The following TMC2 variants were observed in gnomAD, a reference collection of about 807,000 sequenced individuals.
TMC2 encodes the protein transmembrane channel-like protein 2.
A neutral mutation model predicts 105.9 loss-of-function variants in TMC2; 102 were observed. That is an observed-to-expected ratio of 0.96 (90% CI 0.82 to 1.14). The LOEUF is 1.14. TMC2 is among the 50% of genes most tolerant of loss of function. The pLI, the probability that TMC2 is intolerant of heterozygous loss-of-function variation, is 0.00. For synonymous variants in TMC2, 402 were observed against 422.8 expected (o/e 0.95, Z 0.60); for missense variants, 1,093 against 1,134.3 (o/e 0.96, Z 0.52).
intron 7 of TMC2, among the ~76,000 whole-genome samples, chr20:2,581,117 G>A (rs556182473): frequency 6.6e-6 from 1 of 152,260 alleles, no homozygotes; most frequent in Admixed American, 6.5e-5. Context: ...GTTATAAATG[G>A]TTCTGTGAGC....
At chr20:2,597,100 T>C in intron 9 of TMC2, 51 bp from the exon 10 acceptor site, 6 of 1,578,184 alleles carry the variant, frequency 3.8e-6, no homozygotes, top group Non-Finnish European at 4.3e-6. Context: ...TCCCTGGGGG[T>C]GACACAGCAG....
intron 9 of TMC2, among the ~76,000 whole-genome samples, chr20:2,596,078 A>C (rs773804972): frequency 1.3e-4 from 20 of 152,182 alleles, no homozygotes; most frequent in Non-Finnish European, 4.4e-5. Context: ...CAAACCAAAA[A>C]AGCTAACTAA....
At position 2,588,995 on chromosome 20, in the gene TMC2, A is replaced by G. The variant is rs565452068; in HGVS notation, c.835-3315A>G. On this transcript the variant is annotated intron_variant, in intron 7 of 19. Coordinates refer to ENST00000358864, the MANE Select transcript of TMC2 (RefSeq NM_080751.3). ...ATTCATCTTGTCCCTTAATTCCTTA[A>G]GCATATTAATCAAACTTATTTTAAA... 5.9e-5 allele frequency among the ~76,000 whole-genome samples: 9 copies of G among 152,158 alleles called. 1 individual carries two copies. The South Asian group carries it at 1.0e-3, about 18-fold the overall frequency.
intron 7 of TMC2, among the ~76,000 whole-genome samples, chr20:2,589,804 G>T (rs1031566478): frequency 6.6e-6 from 1 of 152,072 alleles, no homozygotes; most frequent in African/African-American, 2.4e-5. Context: ...CAAGTAGCTG[G>T]GACTACAGGC....
Position 2,592,497 on chromosome 20 carries a change from AT to A in TMC2, c.933+91del. 1 of 934,306 alleles carries A rather than the reference AT, an allele frequency of 1.1e-6. No homozygotes were observed. Among genetic ancestry groups the A allele is most frequent in the South Asian group, 1.4e-5 (1 of 73,906 alleles). 57.9% of individuals were successfully genotyped at this position (934,306 alleles called of 1,614,324 possible). ...TAAGTATGAAATAGTGCGTTTAATT[AT>A]TGAAAAACCATTGCTTTAATAGGAT... On this transcript the variant is annotated intron_variant, in intron 8 of 19. Transcript: ENST00000358864. This position sits in a 1 kb window ranked among gnomAD's most constrained non-coding sequence, Gnocchi z 4.9.
chr20:2,641,291 A>G lies in TMC2; in HGVS notation c.2661A>G (p.Pro887=), dbSNP rs1196560855. Residue 887 remains proline (P), a synonymous_variant, in exon 20 of 20, where the codon CCA becomes CCG. Coordinates refer to ENST00000358864, the MANE Select transcript of TMC2 (RefSeq NM_080751.3). ...TCGGACCAGATTCTGGCCACGCCCC[A>G]TCTCAGACTCATCCGTGGAGGTCAG... The part of the protein sequence containing the change: ...PGIGPDSGHA[P]SQTHPWRSAS... 3 of 1,614,102 alleles carry G rather than the reference A, an allele frequency of 1.9e-6. No individual in the cohort carries two copies. Among genetic ancestry groups the G allele is most frequent in the Non-Finnish European group, 2.5e-6 (3 of 1,179,992 alleles).
chr20:2,546,568 T>A (rs1322280644), intron 2 of TMC2, among the ~76,000 whole-genome samples: 1 of 152,120 alleles, frequency 6.6e-6, no homozygotes, highest in East Asian at 1.9e-4. Flanking sequence ...ATCTTTAGCT[T>A]GAGGTCACCA....
chr20:2,568,447 GT>G (rs1187023089), intron 4 of TMC2, among the ~76,000 whole-genome samples: 4 of 152,180 alleles, frequency 2.6e-5, no homozygotes, highest in African/African-American at 7.2e-5. Flanking sequence ...CTTTGGTAGG[GT>G]CCCCTGTTCT....
At chr20:2,593,808 T>A (rs1600118394) in intron 8 of TMC2, among the ~76,000 whole-genome samples, 1 of 152,304 alleles carries the variant, frequency 6.6e-6, no homozygotes, top group East Asian at 1.9e-4. Flanking sequence ...ACCTCAAATT[T>A]TCATTGATTC....
At chr20:2,539,118 G>A (rs1203445095) in intron 2 of TMC2, among the ~76,000 whole-genome samples, 1 of 152,230 alleles carries the variant, frequency 6.6e-6, no homozygotes, top group Non-Finnish European at 1.5e-5. Context: ...TTCTCTGACC[G>A]AGTCAGGTGC....
At chr20:2,544,414 G>A (rs2085910652) in intron 2 of TMC2, among the ~76,000 whole-genome samples, 1 of 152,134 alleles carries the variant, frequency 6.6e-6, no homozygotes, top group African/African-American at 2.4e-5. Context: ...AAACAAGAAA[G>A]TAGATCTCAT....
chr20:2,639,183 C>G (rs2086670909), intron 19 of TMC2, among the ~76,000 whole-genome samples: 1 of 152,216 alleles, frequency 6.6e-6, no homozygotes, highest in South Asian at 2.1e-4. Flanking sequence ...GCCTGAGCCA[C>G]CGCGTCCGGC....
At position 2,594,879 on chromosome 20, in the gene TMC2, A is replaced by T; in HGVS notation, c.988A>T (p.Ile330Phe). 1 of 1,614,150 alleles carries T rather than the reference A, an allele frequency of 6.2e-7. No individual in the cohort carries two copies. The highest frequency in any genetic ancestry group is 2.2e-5 in the East Asian group (1 of 44,866). Residue 330 changes from isoleucine (I) to phenylalanine (F), a missense_variant, in exon 9 of 20, where the codon ATC becomes TTC. Coordinates refer to ENST00000358864, the MANE Select transcript of TMC2 (RefSeq NM_080751.3). ...FYGYYNNQRT[I>F]GWLRYRLPMA... The stretch of plus-strand genomic sequence containing the variant: ...TGGCTACTACAACAACCAGAGGACC[A>T]TCGGGTGGCTGAGGTACCGGCTGCC...
At chr20:2,569,193 A>G (rs2086085607) in intron 4 of TMC2, among the ~76,000 whole-genome samples, 1 of 152,228 alleles carries the variant, frequency 6.6e-6, no homozygotes, top group Non-Finnish European at 1.5e-5. Flanking sequence ...ACTCAAAGCT[A>G]CTAACAGTTT....
intron 6 of TMC2, among the ~76,000 whole-genome samples, 157 bp downstream of exon 6, chr20:2,579,384 T>TTTTATTTATTTA (rs140358031): frequency 8.2e-5 from 12 of 147,186 alleles, no homozygotes; most frequent in East Asian, 3.9e-4. Context: ...AAGATTTATT[T>TTTTATTTATTTA]TTTATTTATT....
chr20:2,540,286 G>A (rs1002840600), intron 2 of TMC2, among the ~76,000 whole-genome samples: 4 of 151,888 alleles, frequency 2.6e-5, no homozygotes, highest in Non-Finnish European at 5.9e-5. Context: ...TCCGTGCCTG[G>A]CCGCAAGACT....
chr20:2,564,393 G>A (rs542339788), intron 4 of TMC2, among the ~76,000 whole-genome samples: 5 of 151,726 alleles, frequency 3.3e-5, no homozygotes, highest in Non-Finnish European at 7.4e-5. Flanking sequence ...CTCATGATCC[G>A]CCCGCCTCGG....
intron 7 of TMC2, among the ~76,000 whole-genome samples, chr20:2,589,351 G>A (rs1004346650): frequency 6.5e-5 from 9 of 139,012 alleles, no homozygotes; most frequent in African/African-American, 1.4e-4. Flanking sequence ...ATGTTGCCCC[G>A]GCTGGTCTTG....
rs535968826 is a variant in TMC2 at position 2,613,520 on chromosome 20, C to T, written c.1872+198C>T. ...CTTCATAAGGGAAACTGCTTTTTCC[C>T]AGTGTAATGAACAATGTGACCTTCT... On this transcript the variant is annotated intron_variant, in intron 14 of 19. Coordinates refer to ENST00000358864, the MANE Select transcript of TMC2 (RefSeq NM_080751.3). 2.5e-5 allele frequency: 17 copies of T among 683,906 alleles called. No homozygotes were observed. In the East Asian group the frequency reaches 3.4e-4, roughly 14 times the overall value. 42.4% of individuals were successfully genotyped at this position (683,906 alleles called of 1,614,324 possible).
Sources: allele counts gnomAD v4.1 joint callset (sites outside exome capture counted in the v4.1 genomes callset), GRCh38; gene constraint gnomAD v4.1.1; non-coding constraint Gnocchi (gnomAD v3.1); transcripts MANE v1.5; gene names NCBI Gene and HGNC (gene_info 2026-07-23, HGNC 2026-07-21).